Variants in SLC24A2 observed in about 807,000 individuals in gnomAD.
The protein encoded by SLC24A2 is solute carrier family 24 member 2.
A neutral mutation model predicts 62.0 loss-of-function variants in SLC24A2; 36 were observed. The observed-to-expected ratio is 0.58, with a 90% confidence interval of 0.44 to 0.77. The LOEUF (loss-of-function observed/expected upper bound fraction) is 0.77, where lower values mean the gene tolerates loss of function less well. Among genes scored for constraint, SLC24A2 ranks in the 30% least tolerant of loss-of-function variants. The probability of loss-of-function intolerance (pLI) is 0.00; values close to 1 mark genes in which losing one functional copy is unlikely to be tolerated. For synonymous variants in SLC24A2, 358 were observed against 294.0 expected, an observed-to-expected ratio of 1.22 and a Z score of -2.23; for missense variants, 846 against 817.9, an observed-to-expected ratio of 1.03 and a Z score of -0.42.
At chr9:19,710,144 T>C (rs1820671496) in intron 2 of SLC24A2, among the ~76,000 whole-genome samples, 1 of 152,152 alleles carries the variant, frequency 6.6e-6, no homozygotes, top group African/African-American at 2.4e-5. Flanking sequence ...ACAAGTCAAC[T>C]CCATTTGTAA....
intron 2 of SLC24A2, 54 bp from the exon 3 acceptor site, chr9:19,622,353 A>C: frequency 2.0e-6 from 3 of 1,498,780 alleles, no homozygotes; most frequent in Non-Finnish European, 2.8e-6. Context: ...TAAATGAAGA[A>C]TCACATATGG....
intron 4 of SLC24A2, among the ~76,000 whole-genome samples, chr9:19,601,977 C>G (rs1030586761): frequency 2.6e-5 from 4 of 152,184 alleles, no homozygotes; most frequent in African/African-American, 4.8e-5. Flanking sequence ...AGGAAGCTCC[C>G]ATACATAGTA....
At chr9:19,814,136 T>A in the SLC24A2 span, among the ~76,000 whole-genome samples, 1 of 152,214 alleles carries the variant, frequency 6.6e-6, no homozygotes, top group Non-Finnish European at 1.5e-5. Flanking sequence ...CTGTAAGTTA[T>A]TCATCATACC....
chr9:20,138,129 T>G, the SLC24A2 span, among the ~76,000 whole-genome samples: 21 of 152,292 alleles, frequency 1.4e-4, no homozygotes, highest in Non-Finnish European at 1.5e-4. Flanking sequence ...TCCTAACCTC[T>G]ATACACTCTA....
the SLC24A2 span, among the ~76,000 whole-genome samples, chr9:19,858,141 T>C: frequency 6.6e-6 from 1 of 152,172 alleles, no homozygotes; most frequent in African/African-American, 2.4e-5. Flanking sequence ...AGCATGTTAC[T>C]GGTACAAAAA....
chr9:20,262,990 G>A, the SLC24A2 span, among the ~76,000 whole-genome samples: 1 of 152,162 alleles, frequency 6.6e-6, no homozygotes, highest in Non-Finnish European at 1.5e-5. Context: ...TGTTCCCTGA[G>A]AGAAGAAATA....
At chr9:20,269,505 G>T in the SLC24A2 span, among the ~76,000 whole-genome samples, 5 of 152,260 alleles carry the variant, frequency 3.3e-5, no homozygotes, top group East Asian at 7.7e-4. Flanking sequence ...GTAAGAAGGG[G>T]CACGAGTGAA....
chr9:19,593,918 GATC>G lies in SLC24A2; in HGVS notation c.1129+3308_1129+3310del, dbSNP rs1445033788. ...CCTCTTCAATAAAATACACTTTTAT[GATC>G]ATTATGATAGATGATATAGAATATA... On this transcript the variant is annotated intron_variant, in intron 5 of 10. Transcript: ENST00000341998. Among the ~76,000 whole-genome samples the G allele has an allele frequency of 5.3e-5, 8 of 152,180 alleles. No homozygotes were observed. In the East Asian group the frequency reaches 1.5e-3, roughly 29 times the overall value.
At chr9:19,652,848 T>C (rs115700273) in intron 2 of SLC24A2, among the ~76,000 whole-genome samples, 67 of 152,164 alleles carry the variant, frequency 4.4e-4, no homozygotes, top group African/African-American at 1.5e-3. Flanking sequence ...TCCATTCAGT[T>C]CATTTAACCA....
the SLC24A2 span, among the ~76,000 whole-genome samples, chr9:20,028,320 G>A: frequency 6.6e-6 from 1 of 152,190 alleles, no homozygotes; most frequent in East Asian, 1.9e-4. Flanking sequence ...GGATGGTAAT[G>A]CATTAGCACT....
the SLC24A2 span, among the ~76,000 whole-genome samples, chr9:20,023,638 T>C: frequency 2.0e-5 from 3 of 152,202 alleles, no homozygotes; most frequent in East Asian, 1.9e-4. Flanking sequence ...AGCACTCATA[T>C]GTGGGAGAAA....
the SLC24A2 span, among the ~76,000 whole-genome samples, chr9:20,172,757 T>C: frequency 6.6e-6 from 1 of 151,990 alleles, no homozygotes; most frequent in African/African-American, 2.4e-5. Flanking sequence ...ACAGATGAAT[T>C]CTACCAGACA....
chr9:20,225,940 G>A, the SLC24A2 span, among the ~76,000 whole-genome samples: 1 of 151,876 alleles, frequency 6.6e-6, no homozygotes, highest in Non-Finnish European at 1.5e-5. Flanking sequence ...AGAGAAGAAG[G>A]GAGGAAGAGA....
chr9:19,778,665 C>T (rs1822916445), intron 2 of SLC24A2, among the ~76,000 whole-genome samples: 1 of 152,068 alleles, frequency 6.6e-6, no homozygotes, highest in Non-Finnish European at 1.5e-5. Flanking sequence ...TTAGAATGGC[C>T]CCAGTTGGTA....
chr9:20,082,361 T>C, the SLC24A2 span, among the ~76,000 whole-genome samples: 1 of 152,186 alleles, frequency 6.6e-6, no homozygotes, highest in Non-Finnish European at 1.5e-5. Context: ...TTCAGGAAAA[T>C]CACATGGAGA....
At chr9:20,275,004 T>G in the SLC24A2 span, among the ~76,000 whole-genome samples, 1 of 151,994 alleles carries the variant, frequency 6.6e-6, no homozygotes, top group Non-Finnish European at 1.5e-5. Context: ...ATGACAGGAT[T>G]AGGGGTGGAC....
the SLC24A2 span, among the ~76,000 whole-genome samples, chr9:19,941,629 C>T: frequency 3.4e-5 from 5 of 148,110 alleles, no homozygotes; most frequent in African/African-American, 1.0e-4. Context: ...GTTGTAGAAA[C>T]GAGGGTGGCT....
chr9:20,092,567 T>A, the SLC24A2 span, among the ~76,000 whole-genome samples: 36 of 152,360 alleles, frequency 2.4e-4, 1 homozygote, highest in South Asian at 2.3e-3. Context: ...TAGACAATAG[T>A]TCTTTCCTTT....
chr9:20,088,675 C>A, the SLC24A2 span, among the ~76,000 whole-genome samples: 34 of 152,242 alleles, frequency 2.2e-4, no homozygotes, highest in Admixed American at 2.0e-3. Flanking sequence ...GCAGACCCCC[C>A]CAAAGCAATA....
Sources: gnomAD v4.1 joint callset for allele counts (sites outside exome capture counted in the v4.1 genomes callset) on GRCh38, gnomAD v4.1.1 for gene constraint, MANE v1.5 for transcripts, NCBI Gene and HGNC (gene_info 2026-07-23, HGNC 2026-07-21) for gene names.